Variants in DGKB observed in about 807,000 individuals in gnomAD.
DGKB encodes diacylglycerol kinase beta.
In DGKB, 67 loss-of-function variants were observed where a neutral mutation model predicts 114.3. That is an observed-to-expected ratio of 0.59 (90% CI 0.48 to 0.72). DGKB has a LOEUF of 0.72. Ranked by LOEUF, DGKB falls within the 30% of genes least tolerant of loss-of-function variation. The probability of loss-of-function intolerance (pLI) is 0.00; values close to 1 mark genes in which losing one functional copy is unlikely to be tolerated. For synonymous variants in DGKB, 398 were observed against 323.1 expected (o/e 1.23, Z -2.49); for missense variants, 907 against 975.2 (o/e 0.93, Z 0.93).
At chr7:14,464,506 G>A (rs1833553678) in intron 21 of DGKB, among the ~76,000 whole-genome samples, 1 of 152,150 alleles carries the variant, frequency 6.6e-6, no homozygotes, top group Non-Finnish European at 1.5e-5. Flanking sequence ...ACATCACAGT[G>A]ACTACTAAAC....
chr7:14,716,952 A>C (rs1302072477), intron 6 of DGKB, among the ~76,000 whole-genome samples: 1 of 152,006 alleles, frequency 6.6e-6, no homozygotes, highest in Non-Finnish European at 1.5e-5. Context: ...AAACAAAAGG[A>C]AAAGGCAATG....
intron 20 of DGKB, among the ~76,000 whole-genome samples, chr7:14,507,552 T>C (rs1787281816): frequency 6.6e-6 from 1 of 152,162 alleles, no homozygotes; most frequent in Non-Finnish European, 1.5e-5. Flanking sequence ...CACAGAAAAT[T>C]TCACAGTGTT....
At position 14,609,992 on chromosome 7, in the gene DGKB, A is replaced by G. The variant is rs370338936; in HGVS notation, c.1359-2484T>C. ...TTTTTTAAGAACTTCAAACAGATCT[A>G]CCATTCAACCCAGCAATCCCATTAG... On this transcript the variant is annotated intron_variant, in intron 16 of 25. Coordinates refer to ENST00000402815, the MANE Select transcript of DGKB (RefSeq NM_001350709.2). 2.0e-5 allele frequency among the ~76,000 whole-genome samples: 3 copies of G among 152,084 alleles called. No individual in the cohort carries two copies. In the East Asian group the frequency reaches 5.8e-4, roughly 29 times the overall value.
intron 20 of DGKB, among the ~76,000 whole-genome samples, chr7:14,486,153 G>T (rs771102119): frequency 5.3e-5 from 8 of 152,070 alleles, no homozygotes; most frequent in Non-Finnish European, 1.2e-4. Flanking sequence ...TGGGTTATCT[G>T]TGAGATAAGG....
intron 21 of DGKB, among the ~76,000 whole-genome samples, chr7:14,378,775 T>C (rs1017590472): frequency 6.6e-6 from 1 of 152,182 alleles, no homozygotes; most frequent in African/African-American, 2.4e-5. Context: ...GAAAGTCCCT[T>C]ATTTTAAATC....
At chr7:14,928,347 T>A (rs1274501820) in intron 1 of DGKB, among the ~76,000 whole-genome samples, 1 of 151,962 alleles carries the variant, frequency 6.6e-6, no homozygotes, top group African/African-American at 2.4e-5. Context: ...TTTACTAAAA[T>A]TTTCTCAGAA....
At chr7:14,573,644 AG>A (rs1798705119) in intron 20 of DGKB, among the ~76,000 whole-genome samples, 2 of 152,068 alleles carry the variant, frequency 1.3e-5, no homozygotes, top group South Asian at 4.1e-4. Flanking sequence ...TTATTCCTTT[AG>A]GATTAAAATT....
At chr7:14,567,075 T>C (rs898965033) in intron 20 of DGKB, among the ~76,000 whole-genome samples, 5 of 126,206 alleles carry the variant, frequency 4.0e-5, no homozygotes, top group Non-Finnish European at 6.3e-5. Context: ...TGTATATATA[T>C]ATATAAAAAA....
chr7:14,324,843 C>T (rs528334760), intron 23 of DGKB, among the ~76,000 whole-genome samples: 38 of 151,798 alleles, frequency 2.5e-4, no homozygotes, highest in African/African-American at 8.9e-4. Context: ...AGACAATGGA[C>T]GCTTCTGCCT....
chr7:14,635,036 T>C (rs1026599368), intron 13 of DGKB, among the ~76,000 whole-genome samples: 4 of 151,614 alleles, frequency 2.6e-5, no homozygotes, highest in African/African-American at 7.2e-5. Context: ...AATTCTGATA[T>C]GTCTAATTAA....
intron 21 of DGKB, among the ~76,000 whole-genome samples, chr7:14,438,083 C>T (rs1460339110): frequency 1.3e-5 from 2 of 151,772 alleles, no homozygotes; most frequent in Admixed American, 6.6e-5. Flanking sequence ...AGCAAGTCTC[C>T]CCACACCACA....
chr7:14,362,731 T>A (rs910415783), intron 21 of DGKB, among the ~76,000 whole-genome samples: 1 of 152,114 alleles, frequency 6.6e-6, no homozygotes, highest in African/African-American at 2.4e-5. Context: ...ACAATTACAT[T>A]GATATTATTA....
chr7:14,229,536 G>A (rs759796685), intron 23 of DGKB, among the ~76,000 whole-genome samples: 5 of 151,958 alleles, frequency 3.3e-5, no homozygotes, highest in Non-Finnish European at 7.4e-5. Context: ...CACTGCATAC[G>A]TGAATAGATA....
At chr7:14,901,619 C>A (rs1379534651) in intron 1 of DGKB, among the ~76,000 whole-genome samples, 2 of 146,406 alleles carry the variant, frequency 1.4e-5, no homozygotes, top group Non-Finnish European at 3.0e-5. Context: ...CCCCCCACCC[C>A]CCACTGCCCC....
chr7:14,495,706 C>G (rs1785208355), intron 20 of DGKB, among the ~76,000 whole-genome samples: 1 of 151,724 alleles, frequency 6.6e-6, no homozygotes, highest in African/African-American at 2.4e-5. Flanking sequence ...ACCCTCAGAG[C>G]TGCCTGTAGT....
At chr7:14,392,995 GT>G (rs1554404748) in intron 21 of DGKB, among the ~76,000 whole-genome samples, 1 of 60,546 alleles carries the variant, frequency 1.7e-5, no homozygotes, top group South Asian at 8.2e-4. Flanking sequence ...TTTTGTTTTT[GT>G]TTTTTTTTTT....
chr7:14,367,977 G>T (rs1193007011), intron 21 of DGKB, among the ~76,000 whole-genome samples: 1 of 151,840 alleles, frequency 6.6e-6, no homozygotes, highest in African/African-American at 2.4e-5. Context: ...ATTTGGGTGG[G>T]GACACAGAGC....
intron 1 of DGKB, among the ~76,000 whole-genome samples, chr7:14,860,551 G>A (rs1850824387): frequency 6.6e-6 from 1 of 151,864 alleles, no homozygotes. Flanking sequence ...AAAGATATAT[G>A]CTCCATTCTG....
intron 19 of DGKB, among the ~76,000 whole-genome samples, chr7:14,577,140 C>T (rs993952109): frequency 2.0e-5 from 3 of 152,146 alleles, no homozygotes; most frequent in Admixed American, 1.3e-4. Context: ...AAGAATAATG[C>T]TATTTTACTT....
Sources: gnomAD v4.1 joint callset for allele counts (sites outside exome capture counted in the v4.1 genomes callset) on GRCh38, gnomAD v4.1.1 for gene constraint, MANE v1.5 for transcripts, NCBI Gene and HGNC (gene_info 2026-07-23, HGNC 2026-07-21) for gene names.